The following RABGAP1L variants were observed in gnomAD, a reference collection of about 807,000 sequenced individuals.
The protein encoded by RABGAP1L is rab GTPase-activating protein 1-like.
In RABGAP1L, 63 loss-of-function variants were observed where a neutral mutation model predicts 137.7. That is an observed-to-expected ratio of 0.46 (90% CI 0.37 to 0.56). The LOEUF (loss-of-function observed/expected upper bound fraction) is 0.56, where lower values mean the gene tolerates loss of function less well. Among genes scored for constraint, RABGAP1L ranks in the 20% least tolerant of loss-of-function variants. RABGAP1L has a pLI of 0.00. For synonymous variants in RABGAP1L, 431 were observed against 433.7 expected (o/e 0.99, Z 0.08); for missense variants, 1,095 against 1,244.0 (o/e 0.88, Z 1.80).
chr1:174,446,681 G>T (rs1178917547), intron 13 of RABGAP1L, among the ~76,000 whole-genome samples: 1 of 152,012 alleles, frequency 6.6e-6, no homozygotes, highest in Non-Finnish European at 1.5e-5. Flanking sequence ...CTACCTAATG[G>T]CCCCTGTGTT....
intron 19 of RABGAP1L, among the ~76,000 whole-genome samples, chr1:174,844,572 C>T (rs1693845727): frequency 1.8e-5 from 2 of 113,394 alleles, no homozygotes; most frequent in Admixed American, 2.0e-4. Context: ...CTGTTCTGTT[C>T]CATTGATCTA....
rs149101702 is a variant in RABGAP1L at position 174,552,932 on chromosome 1, A to G, written c.1711-84443A>G. Among the ~76,000 whole-genome samples the G allele has an allele frequency of 1.6e-4, 24 of 152,266 alleles. 1 individual carries two copies. In the East Asian group the frequency reaches 4.4e-3, roughly 28 times the overall value. On this transcript the variant is annotated intron_variant, in intron 13 of 25. Coordinates refer to ENST00000681986, the MANE Select transcript of RABGAP1L (RefSeq NM_001366446.1). ...TAACAGCCATTCTGACTGGTGTGAG[A>G]TGGTATCTCATTGTGGTTTCAATTT...
At chr1:174,756,199 A>G (rs115118592) in intron 18 of RABGAP1L, among the ~76,000 whole-genome samples, 9,364 of 152,218 alleles carry the variant, frequency 0.062, 1,004 homozygotes, top group African/African-American at 0.21. Flanking sequence ...CCCAGGCTGC[A>G]GAGCGGTGGC....
intron 11 of RABGAP1L, among the ~76,000 whole-genome samples, chr1:174,312,857 CT>C (rs1187091430): frequency 1.3e-5 from 2 of 152,144 alleles, no homozygotes. Context: ...AGAGACTGTT[CT>C]TTCTCCAATG....
chr1:174,354,811 T>G (rs1683480917), intron 11 of RABGAP1L, among the ~76,000 whole-genome samples: 1 of 152,246 alleles, frequency 6.6e-6, no homozygotes, highest in African/African-American at 2.4e-5. Context: ...ATGTAAGTCT[T>G]TAATCCATCT....
intron 22 of RABGAP1L, among the ~76,000 whole-genome samples, chr1:174,976,931 G>A (rs1048721611): frequency 6.6e-6 from 1 of 152,210 alleles, no homozygotes; most frequent in Admixed American, 6.5e-5. Context: ...GCCTGACACA[G>A]ATTAGATTAT....
intron 13 of RABGAP1L, among the ~76,000 whole-genome samples, chr1:174,633,013 TC>T (rs1416094109): frequency 6.6e-6 from 1 of 152,012 alleles, no homozygotes; most frequent in East Asian, 1.9e-4. Context: ...TTTTTCCCCA[TC>T]TTTGGAAGTT....
intron 13 of RABGAP1L, among the ~76,000 whole-genome samples, chr1:174,470,883 G>C (rs1657842613): frequency 6.6e-6 from 1 of 152,080 alleles, no homozygotes; most frequent in South Asian, 2.1e-4. Context: ...TTTTGCCCTA[G>C]CCAAATTAAC....
At chr1:174,422,670 C>G (rs770712673) in intron 13 of RABGAP1L, among the ~76,000 whole-genome samples, 2 of 151,628 alleles carry the variant, frequency 1.3e-5, no homozygotes, top group South Asian at 2.1e-4. Context: ...TTTTTTTTCT[C>G]TAGCTGAGCA....
intron 6 of RABGAP1L, among the ~76,000 whole-genome samples, chr1:174,251,364 C>CTTTT (rs1191674373): frequency 6.9e-6 from 1 of 144,734 alleles, no homozygotes; most frequent in East Asian, 2.0e-4. Context: ...TTAACCATTT[C>CTTTT]TTTTTTTTTT....
chr1:174,727,781 T>A (rs1472385586), intron 17 of RABGAP1L, among the ~76,000 whole-genome samples: 1 of 152,244 alleles, frequency 6.6e-6, no homozygotes, highest in Non-Finnish European at 1.5e-5. Context: ...AACATCACAT[T>A]GTAAGCAATA....
chr1:174,328,022 T>TATATATAC (rs1486714775), intron 11 of RABGAP1L, among the ~76,000 whole-genome samples: 1 of 119,062 alleles, frequency 8.4e-6, no homozygotes, highest in Non-Finnish European at 1.7e-5. Flanking sequence ...TATATATATA[T>TATATATAC]ATACCCAACA....
intron 18 of RABGAP1L, among the ~76,000 whole-genome samples, chr1:174,798,190 A>G (rs1271881851): frequency 2.0e-5 from 3 of 150,426 alleles, no homozygotes; most frequent in African/African-American, 7.4e-5. Flanking sequence ...AGGTCAGGAG[A>G]TCGAGACCAT....
chr1:174,456,952 A>C (rs1027329848), intron 13 of RABGAP1L, among the ~76,000 whole-genome samples: 2 of 152,162 alleles, frequency 1.3e-5, no homozygotes, highest in Admixed American at 6.5e-5. Context: ...AGGTCAATAA[A>C]TATTTATTGA....
chr1:174,975,476 T>A (rs1670565871), intron 21 of RABGAP1L, among the ~76,000 whole-genome samples: 1 of 152,200 alleles, frequency 6.6e-6, no homozygotes, highest in Non-Finnish European at 1.5e-5. Context: ...CATGGCTCTC[T>A]CTATCATGGG....
chr1:174,752,048 A>G (rs1684380668), intron 17 of RABGAP1L, among the ~76,000 whole-genome samples: 1 of 152,228 alleles, frequency 6.6e-6, no homozygotes, highest in Non-Finnish European at 1.5e-5. Flanking sequence ...ACTTAGGCAC[A>G]TGCAAATAAT....
intron 3 of RABGAP1L, among the ~76,000 whole-genome samples, chr1:174,230,023 A>T (rs1311510483): frequency 6.6e-6 from 1 of 152,158 alleles, no homozygotes; most frequent in Admixed American, 6.5e-5. Flanking sequence ...GATAGACTGG[A>T]TTAAGAAAAT....
At chr1:174,414,858 A>C (rs575535953) in intron 13 of RABGAP1L, among the ~76,000 whole-genome samples, 1 of 152,180 alleles carries the variant, frequency 6.6e-6, no homozygotes, top group Non-Finnish European at 1.5e-5. Context: ...GACCTATCAT[A>C]CATCTATTGA....
intron 11 of RABGAP1L, among the ~76,000 whole-genome samples, chr1:174,313,559 G>C (rs2148803101): frequency 6.6e-6 from 1 of 152,284 alleles, no homozygotes; most frequent in Middle Eastern, 3.4e-3. Flanking sequence ...TTGAATAACA[G>C]TGGTGATAGT....
Sources: allele counts gnomAD v4.1 joint callset (sites outside exome capture counted in the v4.1 genomes callset), GRCh38; gene constraint gnomAD v4.1.1; transcripts MANE v1.5; gene names NCBI Gene and HGNC (gene_info 2026-07-23, HGNC 2026-07-21).